ZBBX: variants seen among roughly 807,000 people sequenced by gnomAD.
ZBBX encodes the protein zinc finger B-box domain containing.
Under a neutral mutation model 108.5 loss-of-function variants are expected in ZBBX, and 101 were observed. The ratio of observed to expected loss-of-function variants is 0.93; its 90% CI spans 0.79 to 1.10. The LOEUF (loss-of-function observed/expected upper bound fraction) is 1.10, where lower values mean the gene tolerates loss of function less well. Ranked by LOEUF, ZBBX falls within the 50% of genes least tolerant of loss-of-function variation. ZBBX has a pLI of 0.00. For synonymous variants in ZBBX, 356 were observed against 323.4 expected, an observed-to-expected ratio of 1.10 and a Z score of -1.08; for missense variants, 1,009 against 941.4, an observed-to-expected ratio of 1.07 and a Z score of -0.94.
At chr3:167,333,357 G>A (rs60004383) in intron 10 of ZBBX, among the ~76,000 whole-genome samples, 1 of 152,074 alleles carries the variant, frequency 6.6e-6, no homozygotes, top group Non-Finnish European at 1.5e-5. Context: ...AGCTTATCTA[G>A]CATGTTGTCA....
At chr3:167,218,996 A>G in the ZBBX span, among the ~76,000 whole-genome samples, 1 of 152,106 alleles carries the variant, frequency 6.6e-6, no homozygotes, top group African/African-American at 2.4e-5. Context: ...TATCAAAAAA[A>G]AAATAGATTT....
At chr3:167,274,173 C>T (rs116455940) in intron 20 of ZBBX, among the ~76,000 whole-genome samples, 3,218 of 152,252 alleles carry the variant, frequency 0.021, 54 homozygotes, top group Non-Finnish European at 0.031. Context: ...CAGAGACTGA[C>T]TGCTTTGTCC....
At chr3:167,389,019 G>T (rs1483970024) in intron 1 of ZBBX, among the ~76,000 whole-genome samples, 2 of 151,670 alleles carry the variant, frequency 1.3e-5, no homozygotes, top group East Asian at 3.9e-4. Flanking sequence ...ATGCAGGTTT[G>T]TTACATAGGT....
At chr3:167,278,228 A>G (rs1450516858) in intron 20 of ZBBX, among the ~76,000 whole-genome samples, 6 of 144,374 alleles carry the variant, frequency 4.2e-5, no homozygotes, top group Non-Finnish European at 9.1e-5. Flanking sequence ...AAGCTAGCAG[A>G]AGGCAAGAAA....
intron 20 of ZBBX, among the ~76,000 whole-genome samples, chr3:167,246,994 G>A (rs1013159608): frequency 3.9e-5 from 6 of 152,148 alleles, no homozygotes; most frequent in African/African-American, 2.4e-5. Flanking sequence ...GAAGTGATAC[G>A]GAAGTACGGC....
At chr3:167,358,544 T>A (rs1391728653) in intron 8 of ZBBX, among the ~76,000 whole-genome samples, 3 of 152,172 alleles carry the variant, frequency 2.0e-5, no homozygotes, top group Non-Finnish European at 4.4e-5. Flanking sequence ...TCACTATAAT[T>A]TTTTAAATGT....
chr3:167,224,060 G>A, the ZBBX span, among the ~76,000 whole-genome samples: 6 of 151,918 alleles, frequency 3.9e-5, no homozygotes, highest in East Asian at 1.9e-4. Context: ...GACATAGCGG[G>A]TGGGAAACAA....
At chr3:167,248,742 C>A (rs2108346036) in intron 20 of ZBBX, 1 of 437,098 alleles carries the variant, frequency 2.3e-6, no homozygotes, top group East Asian at 7.1e-5. Context: ...AAACCCCCCA[C>A]CTCACGGAAG....
intron 10 of ZBBX, among the ~76,000 whole-genome samples, chr3:167,329,057 G>A (rs1272412868): frequency 6.6e-6 from 1 of 152,182 alleles, no homozygotes; most frequent in African/African-American, 2.4e-5. Flanking sequence ...TCAGTGGAAT[G>A]AATGAAGAAG....
chr3:167,323,692 A>G (rs1388203610), intron 11 of ZBBX, among the ~76,000 whole-genome samples: 2 of 152,144 alleles, frequency 1.3e-5, no homozygotes, highest in Non-Finnish European at 2.9e-5. Context: ...AAGATTCTCC[A>G]TCCTCAAATT....
At position 167,404,683 on chromosome 3, in the gene ZBBX, C is replaced by T. The variant is rs547885479; in HGVS notation, c.-446+3043G>A. On this transcript the variant is annotated intron_variant, in intron 1 of 21. Transcript: ENST00000455345. ...TTCTCAAGCTTCAGTTCTATAGACA[C>T]CTGGCTTGTTGGAAAATTGGACTGA... Among the ~76,000 whole-genome samples, 9 of 152,294 alleles carry T rather than the reference C, an allele frequency of 5.9e-5. No individual in the cohort carries two copies. In the South Asian group the frequency reaches 1.9e-3, roughly 32 times the overall value.
Position 167,282,115 on chromosome 3 carries a change from T to G in ZBBX, c.2254+123A>C. On this transcript the variant is annotated intron_variant, in intron 20 of 21. Coordinates refer to ENST00000675490, the MANE Select transcript of ZBBX (RefSeq NM_001199201.2). ...GGAAAACAGACACAACGGTTGATGG[T>G]TAAAGAAGAAAAAGGAAAGCTTTCT... The G allele has an allele frequency of 4.6e-6, 5 of 1,078,576 alleles. No homozygotes were observed. In the South Asian group the frequency reaches 9.1e-5, roughly 20 times the overall value. The allele number at this position is 1,078,576 out of a possible 1,614,324, so 66.8% of individuals were successfully genotyped here.
chr3:167,358,101 G>A (rs1743889363), intron 8 of ZBBX, among the ~76,000 whole-genome samples: 1 of 151,454 alleles, frequency 6.6e-6, no homozygotes, highest in African/African-American at 2.4e-5. Context: ...ACACCAGCAT[G>A]GCACATGTAT....
chr3:167,221,446 G>T, the ZBBX span, among the ~76,000 whole-genome samples: 21 of 151,850 alleles, frequency 1.4e-4, no homozygotes, highest in East Asian at 1.9e-4. Flanking sequence ...AAATGGTGCT[G>T]GGCAAACTGA....
chr3:167,352,703 C>T (rs1415335779), intron 8 of ZBBX, among the ~76,000 whole-genome samples: 1 of 148,406 alleles, frequency 6.7e-6, no homozygotes, highest in African/African-American at 2.5e-5. Context: ...CATTAATAAA[C>T]ATAGATACAA....
intron 6 of ZBBX, among the ~76,000 whole-genome samples, chr3:167,362,862 C>G (rs1380291121): frequency 2.6e-5 from 4 of 152,016 alleles, no homozygotes; most frequent in African/African-American, 7.2e-5. Context: ...TTGCTTGTGT[C>G]AATATCTAGG....
chr3:167,180,580 T>C, the ZBBX span, among the ~76,000 whole-genome samples: 1 of 152,226 alleles, frequency 6.6e-6, no homozygotes, highest in African/African-American at 2.4e-5. Flanking sequence ...ATCCTCCATA[T>C]AATGAATAAC....
intron 20 of ZBBX, among the ~76,000 whole-genome samples, chr3:167,256,717 G>A (rs1166298743): frequency 6.7e-6 from 1 of 149,924 alleles, no homozygotes; most frequent in Non-Finnish European, 1.5e-5. Context: ...AAGCAAGAAC[G>A]TGCTATAATT....
intron 4 of ZBBX, among the ~76,000 whole-genome samples, chr3:167,370,587 G>T (rs983128381): frequency 1.3e-5 from 2 of 152,172 alleles, no homozygotes; most frequent in African/African-American, 4.8e-5. Flanking sequence ...AGAGGAAAAG[G>T]TTAAGGCTGT....
Sources: allele counts gnomAD v4.1 joint callset (sites outside exome capture counted in the v4.1 genomes callset), GRCh38; gene constraint gnomAD v4.1.1; transcripts MANE v1.5; gene names NCBI Gene and HGNC (gene_info 2026-07-23, HGNC 2026-07-21).